IL1RAPL2: variants seen among roughly 807,000 people sequenced by gnomAD.
IL1RAPL2 encodes the protein interleukin 1 receptor accessory protein like 2, also known as X-linked interleukin-1 receptor accessory protein-like 2.
A neutral mutation model predicts 44.1 loss-of-function variants in IL1RAPL2; 3 were observed. The ratio of observed to expected loss-of-function variants is 0.07; its 90% CI spans 0.03 to 0.18. The LOEUF is 0.18. Among genes scored for constraint, IL1RAPL2 ranks in the 10% least tolerant of loss-of-function variants. IL1RAPL2 has a pLI of 1.00. For synonymous variants in IL1RAPL2, 181 were observed against 178.8 expected (o/e 1.01, Z -0.10); for missense variants, 391 against 496.4 (o/e 0.79, Z 2.02).
At chrX:105,496,511 T>C (rs1390781793) in intron 6 of IL1RAPL2, among the ~76,000 whole-genome samples, 3 of 112,594 alleles carry the variant, frequency 2.7e-5, no homozygotes, top group African/African-American at 9.7e-5. Context: ...TAGTACCTCA[T>C]ATTTATGCAG....
chrX:104,659,061 A>C, intron 2 of IL1RAPL2, 66 bp downstream of exon 2: 2 of 737,460 alleles, frequency 2.7e-6, no homozygotes, highest in Non-Finnish European at 4.2e-6. Flanking sequence ...CCCAGAGGGC[A>C]CCTGTGCCTT....
chrX:105,199,219 T>G (rs782443074), intron 3 of IL1RAPL2, among the ~76,000 whole-genome samples: 3 of 111,106 alleles, frequency 2.7e-5, no homozygotes, highest in Non-Finnish European at 3.8e-5. Context: ...TTAATTTTCT[T>G]GCTCAGATTC....
chrX:104,594,059 C>A (rs761480782), intron 1 of IL1RAPL2, among the ~76,000 whole-genome samples: 1 of 112,281 alleles, frequency 8.9e-6, no homozygotes, highest in African/African-American at 3.2e-5. Context: ...TTCCCCCCAA[C>A]AAATACTTAT....
chrX:104,771,459 T>C (rs1932640544), intron 2 of IL1RAPL2, among the ~76,000 whole-genome samples: 2 of 112,596 alleles, frequency 1.8e-5, no homozygotes, highest in African/African-American at 6.4e-5. Flanking sequence ...TCAAAGGTGA[T>C]TTTGTATTTT....
intron 2 of IL1RAPL2, among the ~76,000 whole-genome samples, chrX:104,765,563 A>G (rs1169977079): frequency 1.1e-4 from 12 of 111,971 alleles, no homozygotes; most frequent in Admixed American, 1.0e-3. Flanking sequence ...AATAAGGGTG[A>G]TTAACCCTTA....
At chrX:105,718,042 T>A (rs894712178) in intron 7 of IL1RAPL2, among the ~76,000 whole-genome samples, 1 of 112,390 alleles carries the variant, frequency 8.9e-6, no homozygotes, top group African/African-American at 3.2e-5. Flanking sequence ...ATTCTCTGGT[T>A]TATAGATACC....
At chrX:105,401,289 A>G (rs2035604942) in intron 5 of IL1RAPL2, among the ~76,000 whole-genome samples, 1 of 111,187 alleles carries the variant, frequency 9.0e-6, no homozygotes, top group Non-Finnish European at 1.9e-5. Flanking sequence ...TCACATTTCT[A>G]TTGCCAAAAG....
chrX:105,309,329 G>A (rs1350401758), intron 5 of IL1RAPL2, among the ~76,000 whole-genome samples: 3 of 109,554 alleles, frequency 2.7e-5, no homozygotes, highest in Non-Finnish European at 5.7e-5. Flanking sequence ...GAGCCATCGT[G>A]CCTGGCCACA....
chrX:105,412,306 GTATATATATATATATATA>G (rs56979628), intron 5 of IL1RAPL2, among the ~76,000 whole-genome samples: 19,923 of 93,150 alleles, frequency 0.21, 4,872 homozygotes, highest in African/African-American at 0.69. Flanking sequence ...GAAAAATGTA[GTATATATATATATATATA>G]TATATATATA....
chrX:105,407,099 CTT>C, intron 5 of IL1RAPL2: 1 of 558,004 alleles, frequency 1.8e-6, no homozygotes, highest in Non-Finnish European at 3.1e-6. Context: ...TTCCTTATCA[CTT>C]TTCTTTCTCC....
At chrX:104,740,897 C>A (rs1019189931) in intron 2 of IL1RAPL2, among the ~76,000 whole-genome samples, 1 of 111,327 alleles carries the variant, frequency 9.0e-6, no homozygotes, top group South Asian at 3.7e-4. Flanking sequence ...AGTGGTGACT[C>A]TAGGGTTATT....
At chrX:104,770,484 G>A (rs150498049) in intron 2 of IL1RAPL2, among the ~76,000 whole-genome samples, 1 of 111,484 alleles carries the variant, frequency 9.0e-6, no homozygotes, top group African/African-American at 3.3e-5. Context: ...TTAAGTATTT[G>A]CTCTTTGTCA....
intron 2 of IL1RAPL2, among the ~76,000 whole-genome samples, chrX:104,681,316 A>T (rs1216656159): frequency 8.9e-6 from 1 of 112,365 alleles, no homozygotes; most frequent in Non-Finnish European, 1.9e-5. Flanking sequence ...ATTAAAACGA[A>T]GTTCATAACA....
Position 105,018,527 on chromosome X carries a change from C to T in IL1RAPL2, c.83-176948C>T, listed in dbSNP as rs1255523313. ...TCAGTATTTGTGTTCCTCTCTAGAC[C>T]ACAGTTTCATATCCATAAACCAAAC... On this transcript the variant is annotated intron_variant, in intron 2 of 10. Coordinates refer to ENST00000372582, the MANE Select transcript of IL1RAPL2 (RefSeq NM_017416.2). Among the ~76,000 whole-genome samples, 3 of 111,099 alleles carry T rather than the reference C, an allele frequency of 2.7e-5. No homozygotes were observed. The East Asian group carries it at 8.6e-4, about 32-fold the overall frequency.
intron 6 of IL1RAPL2, among the ~76,000 whole-genome samples, chrX:105,572,722 A>T (rs1004057958): frequency 2.7e-5 from 3 of 111,645 alleles, no homozygotes; most frequent in Non-Finnish European, 5.7e-5. Flanking sequence ...TGGATTATTT[A>T]TGGCCATTTT....
intron 5 of IL1RAPL2, among the ~76,000 whole-genome samples, chrX:105,378,097 T>C (rs765222268): frequency 8.9e-6 from 1 of 112,063 alleles, no homozygotes; most frequent in South Asian, 3.7e-4. Context: ...GTAGCATAAC[T>C]ACTCTAATTA....
At chrX:104,600,124 T>C (rs1437147401) in intron 1 of IL1RAPL2, among the ~76,000 whole-genome samples, 1 of 112,346 alleles carries the variant, frequency 8.9e-6, no homozygotes, top group Non-Finnish European at 1.9e-5. Flanking sequence ...GGGAATAGTA[T>C]CAAAAGCAAT....
At chrX:105,747,435 T>C (rs755941063) in intron 8 of IL1RAPL2, among the ~76,000 whole-genome samples, 1 of 100,795 alleles carries the variant, frequency 9.9e-6, no homozygotes, top group East Asian at 3.2e-4. Flanking sequence ...TCTATGACTC[T>C]CCTGATTGGC....
chrX:105,667,792 G>T (rs2037783108), intron 6 of IL1RAPL2, among the ~76,000 whole-genome samples: 2 of 111,337 alleles, frequency 1.8e-5, no homozygotes, highest in South Asian at 7.7e-4. Flanking sequence ...GATTCCCAAG[G>T]CCTGTGTAAG....
Sources: gnomAD v4.1 joint callset for allele counts (sites outside exome capture counted in the v4.1 genomes callset) on GRCh38, gnomAD v4.1.1 for gene constraint, MANE v1.5 for transcripts, NCBI Gene and HGNC (gene_info 2026-07-23, HGNC 2026-07-21) for gene names.